Variants in PCDHGA2 observed in about 807,000 individuals in gnomAD.
PCDHGA2 encodes protocadherin gamma-A2.
A neutral mutation model predicts 59.2 loss-of-function variants in PCDHGA2; 40 were observed. The observed-to-expected ratio is 0.68, with a 90% confidence interval of 0.52 to 0.88. PCDHGA2 has a LOEUF of 0.88. PCDHGA2 is among the 40% of genes least tolerant of loss of function. PCDHGA2 has a pLI of 0.00. For missense variants in PCDHGA2, 1,226 were observed against 1,204.0 expected (o/e 1.02, Z -0.27); for synonymous variants, 560 against 526.0 (o/e 1.06, Z -0.89).
Position 141,444,152 on chromosome 5 carries a change from ATTTTTTTTTTTTTTTTT to A in PCDHGA2, c.2425-50635_2425-50619del, listed in dbSNP as rs747671382. Among the ~76,000 whole-genome samples, 167 of 33,906 alleles carry A rather than the reference ATTTTTTTTTTTTTTTTT, an allele frequency of 4.9e-3. 1 individual carries two copies. The highest frequency in any genetic ancestry group is 7.0e-3 in the Non-Finnish European group (136 of 19,318). The allele number at this position is 33,906 out of a possible 152,430, so 22.2% of individuals were successfully genotyped here. A position where few individuals can be genotyped will look rare whatever the true frequency, so the allele number is the denominator to read the frequency against. On this transcript the variant is annotated intron_variant, in intron 1 of 3. Coordinates refer to ENST00000394576, the MANE Select transcript of PCDHGA2 (RefSeq NM_018915.4). ...GATATGTGTCACTTGTGTGTACTGG[ATTTTTTTTTTTTTTTTT>A]TTTTTTTTTTTTTTTTTTTGAGATG...
intron 1 of PCDHGA2, chr5:141,385,308 C>G: frequency 1.9e-6 from 3 of 1,612,216 alleles, no homozygotes; most frequent in Non-Finnish European, 2.5e-6. Context: ...GTAAAGAAAA[C>G]CTGCCAAGTA....
At chr5:141,375,234 G>C (rs371683670) in intron 1 of PCDHGA2, 16 of 1,613,840 alleles carry the variant, frequency 9.9e-6, no homozygotes, top group African/African-American at 1.3e-5. Context: ...CTGGTAACCT[G>C]TTCCATCCCG....
intron 1 of PCDHGA2, chr5:141,430,780 C>G: frequency 6.6e-7 from 1 of 1,511,476 alleles, no homozygotes; most frequent in Non-Finnish European, 8.8e-7. Context: ...CGCGACTGCA[C>G]CGGGACTACA....
rs61749056 is a variant in PCDHGA2 at position 141,339,657 on chromosome 5, G to A, written c.686G>A (p.Cys229Tyr). ...GTGCTATCTGGCACCTCCCGCATCTGCGTGAAGGTCCTGGATGCGAACGAC... is the reference window on the plus strand; with the variant it reads ...GTGCTATCTGGCACCTCCCGCATCTACGTGAAGGTCCTGGATGCGAACGAC... Reference protein sequence around the residue: ...DPVLSGTSRICVKVLDANDNA... With the variant: ...DPVLSGTSRIYVKVLDANDNA... The change falls in exon 1 of 4, where the codon TGC (cysteine) becomes TAC (tyrosine). Residue 229 changes from cysteine (C) to tyrosine (Y), a missense_variant. Transcript: ENST00000394576. 18,396 of 1,614,202 alleles carry A rather than the reference G, an allele frequency of 0.011. 138 individuals are homozygous for A. The highest frequency in any genetic ancestry group is 0.015 in the Middle Eastern group (88 of 6,062).
chr5:141,370,428 G>T (rs1480841045), intron 1 of PCDHGA2: 2 of 1,598,192 alleles, frequency 1.3e-6, no homozygotes, highest in Non-Finnish European at 1.7e-6. Context: ...GGGCCCAGCA[G>T]GGCAGAGGCG....
At chr5:141,411,045 T>G (rs1409162601) in intron 1 of PCDHGA2, 1 of 159,716 alleles carries the variant, frequency 6.3e-6, no homozygotes, top group Non-Finnish European at 1.4e-5. Flanking sequence ...AGACATGGGG[T>G]TTCACTATGT....
intron 1 of PCDHGA2, chr5:141,422,585 T>C (rs1193597044): frequency 1.2e-6 from 2 of 1,613,930 alleles, no homozygotes; most frequent in African/African-American, 2.7e-5. Context: ...CCTCCCGTTT[T>C]TCCTCACTCC....
At chr5:141,400,279 G>C (rs1561676065) in intron 1 of PCDHGA2, 1 of 1,614,050 alleles carries the variant, frequency 6.2e-7, no homozygotes, top group African/African-American at 1.3e-5. Context: ...CTCCAGCCCT[G>C]CCGCCTGGAG....
chr5:141,386,109 A>T (rs866004779), intron 1 of PCDHGA2: 1 of 152,246 alleles, frequency 6.6e-6, no homozygotes, highest in Non-Finnish European at 1.5e-5. Context: ...TCTGTGGGCT[A>T]TCAAAGTGGG....
rs1228384684 is a variant in PCDHGA2 at position 141,432,189 on chromosome 5, A to G, written c.2425-62618A>G. On this transcript the variant is annotated intron_variant, in intron 1 of 3. Coordinates refer to ENST00000394576, the MANE Select transcript of PCDHGA2 (RefSeq NM_018915.4). This position sits in a 1 kb window ranked among gnomAD's most constrained non-coding sequence, Gnocchi z 6.0. The stretch of plus-strand genomic sequence containing the variant: ...GTTTCCCTCGTCTCTGTGACCGCCC[A>G]CGACCCCGACTGTGAAGAGAACGCC... 6.2e-6 allele frequency: 10 copies of G among 1,613,964 alleles called. No homozygotes were observed. Among genetic ancestry groups the G allele is most frequent in the African/African-American group, 1.3e-5 (1 of 74,878 alleles).
Position 141,341,337 on chromosome 5 carries a change from A to AT in PCDHGA2, c.2372dup (p.Leu791PhefsTer44), listed in dbSNP as rs773910293. 129 of 1,614,208 alleles carry AT rather than the reference A, an allele frequency of 8.0e-5. No homozygotes were observed. Among genetic ancestry groups the AT allele is most frequent in the Middle Eastern group, 1.6e-4 (1 of 6,062 alleles). Reference sequence around the variant, plus strand: ...AGCCAGGAGAGCTGTGAGAAAAAGGATTTTTTATCAGCGCCTCAATCTCTA... The same window carrying AT: ...AGCCAGGAGAGCTGTGAGAAAAAGGATTTTTTTATCAGCGCCTCAATCTCTA... On this transcript the variant is annotated frameshift_variant, in exon 1 of 4. Transcript: ENST00000394576. LOFTEE classifies it high-confidence loss of function.
At chr5:141,446,461 A>G (rs1273508266) in intron 1 of PCDHGA2, among the ~76,000 whole-genome samples, 1 of 151,298 alleles carries the variant, frequency 6.6e-6, no homozygotes, top group Non-Finnish European at 1.5e-5. Flanking sequence ...TCAGTGTGTG[A>G]TTAGACATAT....
rs1426305491 is a variant in PCDHGA2 at position 141,489,758 on chromosome 5, G to A, written c.2425-5049G>A. 1 of 1,614,084 alleles carries A rather than the reference G, an allele frequency of 6.2e-7. No homozygotes were observed. The highest frequency in any genetic ancestry group is 1.7e-5 in the Admixed American group (1 of 60,020). On this transcript the variant is annotated intron_variant, in intron 1 of 3. Coordinates refer to ENST00000394576, the MANE Select transcript of PCDHGA2 (RefSeq NM_018915.4). The surrounding 1 kb of genome is among the most constrained non-coding windows in gnomAD (Gnocchi z 4.5). ...AATACTGTGAGCTTTTACACTCTAAGCCCCAACAGCCACTTCTCTCTGAAT... is the reference window on the plus strand; with the variant it reads ...AATACTGTGAGCTTTTACACTCTAAACCCCAACAGCCACTTCTCTCTGAAT...
chr5:141,418,273 A>G (rs1440274831), intron 1 of PCDHGA2: 2 of 1,614,082 alleles, frequency 1.2e-6, no homozygotes, highest in Non-Finnish European at 8.5e-7. Flanking sequence ...AAGATGAAAT[A>G]AACTTAGAAA....
In PCDHGA2 at chr5:141,409,393, T is replaced by C. The variant is rs539937433; in HGVS notation, c.2424+67998T>C. 4.8e-5 allele frequency: 77 copies of C among 1,614,062 alleles called. 1 individual carries two copies. In the East Asian group the frequency reaches 1.7e-3, roughly 35 times the overall value. On this transcript the variant is annotated intron_variant, in intron 1 of 3. Coordinates refer to ENST00000394576, the MANE Select transcript of PCDHGA2 (RefSeq NM_018915.4). ...ACATTCCATTCAAGATTTATTCTTC[T>C]TCCAATAACTACTACAAACTGGTGA...
intron 1 of PCDHGA2, chr5:141,389,160 G>T (rs759399243): frequency 1.2e-6 from 2 of 1,613,996 alleles, no homozygotes; most frequent in Admixed American, 3.3e-5. Flanking sequence ...AACAGATCGG[G>T]GCAAGCCTCC....
At chr5:141,367,549 T>TAAAA (rs1765228447) in intron 1 of PCDHGA2, 1 of 147,156 alleles carries the variant, frequency 6.8e-6, no homozygotes, top group South Asian at 2.1e-4. Flanking sequence ...AATAAATAAA[T>TAAAA]AAATAAATAA....
chr5:141,420,156 A>T lies in PCDHGA2; in HGVS notation c.2425-74651A>T, dbSNP rs1406451882. ...GGGGATCAAATGAATCCAGAATTTA[A>T]TTTTTTCACATCTGTTGATCATTGT... On this transcript the variant is annotated intron_variant, in intron 1 of 3. Coordinates refer to ENST00000394576, the MANE Select transcript of PCDHGA2 (RefSeq NM_018915.4). The T allele has an allele frequency of 1.4e-5, 22 of 1,613,872 alleles. No individual in the cohort carries two copies. Among genetic ancestry groups the T allele is most frequent in the Middle Eastern group, 3.3e-4 (2 of 6,084 alleles).
At chr5:141,364,803 G>A (rs1763546634) in intron 1 of PCDHGA2, 1 of 1,614,002 alleles carries the variant, frequency 6.2e-7, no homozygotes, top group Non-Finnish European at 8.5e-7. Context: ...CCCTTCGCGC[G>A]GGATGCGGAT....
Sources: gnomAD v4.1 joint callset for allele counts (sites outside exome capture counted in the v4.1 genomes callset) on GRCh38, gnomAD v4.1.1 for gene constraint, Gnocchi (gnomAD v3.1) non-coding constraint, MANE v1.5 for transcripts, NCBI Gene and HGNC (gene_info 2026-07-23, HGNC 2026-07-21) for gene names.